Variants in SULF1 observed in about 807,000 individuals in gnomAD.
SULF1 encodes extracellular sulfatase Sulf-1.
In SULF1, 46 loss-of-function variants were observed where a neutral mutation model predicts 110.5. The observed-to-expected ratio is 0.42, with a 90% confidence interval of 0.33 to 0.53. The LOEUF is 0.53. SULF1 is among the 20% of genes least tolerant of loss of function. The pLI is 0.12. For missense variants in SULF1, 941 were observed against 1,094.2 expected (o/e 0.86, Z 1.98); for synonymous variants, 371 against 387.1 (o/e 0.96, Z 0.49).
intron 3 of SULF1, among the ~76,000 whole-genome samples, chr8:69,561,752 C>G (rs1158925746): frequency 6.6e-6 from 1 of 152,200 alleles, no homozygotes; most frequent in African/African-American, 2.4e-5. Context: ...GTTTTTGCTA[C>G]TTAAGGAACC....
chr8:69,555,033 C>T (rs1815013197), intron 3 of SULF1, among the ~76,000 whole-genome samples: 1 of 144,288 alleles, frequency 6.9e-6, no homozygotes, highest in African/African-American at 2.6e-5. Context: ...AACTGATCTG[C>T]ATTTTAAAGT....
At chr8:69,560,247 G>A (rs571699477) in intron 3 of SULF1, among the ~76,000 whole-genome samples, 42 of 152,122 alleles carry the variant, frequency 2.8e-4, no homozygotes, top group Non-Finnish European at 4.1e-4. Context: ...TAAACCTTTG[G>A]GAGCAACAGG....
intron 13 of SULF1, among the ~76,000 whole-genome samples, chr8:69,618,303 T>C (rs1280205956): frequency 1.3e-5 from 2 of 152,194 alleles, no homozygotes; most frequent in African/African-American, 4.8e-5. Flanking sequence ...CAACTGCAGA[T>C]TGAAAGAATT....
At chr8:69,484,949 C>G (rs1486188418) in intron 1 of SULF1, among the ~76,000 whole-genome samples, 5 of 152,064 alleles carry the variant, frequency 3.3e-5, no homozygotes, top group African/African-American at 1.2e-4. Flanking sequence ...AGCTACTGTC[C>G]TGCCTCAGCC....
chr8:69,607,815 C>T (rs969482940), intron 13 of SULF1, among the ~76,000 whole-genome samples: 2 of 152,134 alleles, frequency 1.3e-5, no homozygotes, highest in East Asian at 1.9e-4. Flanking sequence ...TGTTCAGGTT[C>T]GAGGTGGCAG....
intron 4 of SULF1, 144 bp downstream of exon 4, chr8:69,563,755 C>A: frequency 2.1e-6 from 1 of 484,022 alleles, no homozygotes; most frequent in Non-Finnish European, 3.7e-6. Flanking sequence ...AAAAAACTAC[C>A]CAGCACTTGT....
At chr8:69,608,726 G>T (rs1337368322) in intron 13 of SULF1, among the ~76,000 whole-genome samples, 1 of 152,092 alleles carries the variant, frequency 6.6e-6, no homozygotes, top group South Asian at 2.1e-4. Context: ...AAATGGGCTG[G>T]AATCCCAGAG....
chr8:69,573,718 C>T (rs922912552), intron 5 of SULF1, among the ~76,000 whole-genome samples: 11 of 152,170 alleles, frequency 7.2e-5, no homozygotes, highest in African/African-American at 1.7e-4. Flanking sequence ...TCTACATCTC[C>T]GTTCATCCAC....
intron 22 of SULF1, among the ~76,000 whole-genome samples, chr8:69,655,344 G>T (rs745773082): frequency 6.6e-6 from 1 of 152,168 alleles, no homozygotes; most frequent in Non-Finnish European, 1.5e-5. Context: ...AGCCCCAGTG[G>T]CTACCACAAG....
intron 19 of SULF1, among the ~76,000 whole-genome samples, chr8:69,631,712 A>G (rs534262239): frequency 2.0e-5 from 3 of 152,334 alleles, no homozygotes; most frequent in Non-Finnish European, 4.4e-5. Context: ...CCCTCTCGCC[A>G]TGGGGCCTTT....
intron 4 of SULF1, 150 bp downstream of exon 4, chr8:69,563,761 C>T: frequency 3.9e-6 from 2 of 508,932 alleles, no homozygotes; most frequent in Non-Finnish European, 7.0e-6. Flanking sequence ...CTACCCAGCA[C>T]TTGTGAGGGT....
chr8:69,479,591 G>T (rs1809433764), intron 1 of SULF1, among the ~76,000 whole-genome samples: 1 of 152,156 alleles, frequency 6.6e-6, no homozygotes. Flanking sequence ...AGAATTTGCA[G>T]TGGATTTTCC....
At chr8:69,603,113 A>C in intron 10 of SULF1, 79 bp from the exon 11 acceptor site, 2 of 1,586,710 alleles carry the variant, frequency 1.3e-6, no homozygotes, top group Non-Finnish European at 1.7e-6. Flanking sequence ...CCAATGAGTC[A>C]CTGCTGTAGA....
At chr8:69,491,469 G>C (rs1809938857), upstream of SULF1, among the ~76,000 whole-genome samples, 1 of 152,208 alleles carries the variant, frequency 6.6e-6, no homozygotes, top group Admixed American at 6.5e-5. Context: ...TGCACTTACA[G>C]GTCCTCTAAT....
chr8:69,621,175 T>C lies in SULF1; in HGVS notation c.1518T>C (p.Cys506=), dbSNP rs534855129. The part of the protein sequence containing the change: ...GFHDKDKECS[C]RESGYRASRS... Reference sequence around the variant, plus strand: ...ATGACAAAGACAAAGAGTGCAGTTGTAGGGAGTCTGGTTACCGTGCCAGCA... The same window carrying C: ...ATGACAAAGACAAAGAGTGCAGTTGCAGGGAGTCTGGTTACCGTGCCAGCA... Residue 506 remains cysteine (C), a synonymous_variant, in exon 14 of 23, where the codon TGT becomes TGC. Transcript: ENST00000402687. The C allele has an allele frequency of 3.9e-5, 63 of 1,614,042 alleles. No individual in the cohort carries two copies. The highest frequency in any genetic ancestry group is 5.2e-5 in the Non-Finnish European group (61 of 1,180,010).
At chr8:69,577,082 G>A (rs958422414) in intron 6 of SULF1, among the ~76,000 whole-genome samples, 1 of 152,212 alleles carries the variant, frequency 6.6e-6, no homozygotes, top group Non-Finnish European at 1.5e-5. Flanking sequence ...GTTATTTATG[G>A]ATGAAAATAT....
chr8:69,517,686 G>A (rs929995102), intron 3 of SULF1, among the ~76,000 whole-genome samples: 1 of 152,122 alleles, frequency 6.6e-6, no homozygotes, highest in African/African-American at 2.4e-5. Flanking sequence ...TTAATTTTAA[G>A]ATATGAATAG....
In SULF1 at chr8:69,627,771, G is replaced by A; in HGVS notation, c.1948-1G>A. Reference sequence around the variant, plus strand: ...TAAGTGCTTGAAAACATGTTTTCCAGATTGAAGCTCTGCAAGATAAAATTA... The same window carrying A: ...TAAGTGCTTGAAAACATGTTTTCCAAATTGAAGCTCTGCAAGATAAAATTA... On this transcript the variant is annotated splice_acceptor_variant, in intron 16 of 22. Coordinates refer to ENST00000402687, the MANE Select transcript of SULF1 (RefSeq NM_001128205.2). LOFTEE classifies it high-confidence loss of function. 1 of 1,600,834 alleles carries A rather than the reference G, an allele frequency of 6.2e-7. No individual in the cohort carries two copies. Among genetic ancestry groups the A allele is most frequent in the Non-Finnish European group, 8.5e-7 (1 of 1,171,756 alleles).
chr8:69,554,990 AAAAAAAAAC>A lies in SULF1; in HGVS notation c.-133-8540_-133-8532del, dbSNP rs1489254654. Among the ~76,000 whole-genome samples the A allele has an allele frequency of 1.4e-3, 125 of 87,758 alleles. 6 individuals carry two copies. Among genetic ancestry groups the A allele is most frequent in the South Asian group, 2.5e-3 (7 of 2,768 alleles). 57.6% of individuals were successfully genotyped at this position (87,758 alleles called of 152,430 possible). The stretch of plus-strand genomic sequence containing the variant: ...CGAGATTCCATCTCAAAAAAAAAAA[AAAAAAAAAC>A]AAAAAAAAAAAACTTCATACATAAA... On this transcript the variant is annotated intron_variant, in intron 3 of 22. Coordinates refer to ENST00000402687, the MANE Select transcript of SULF1 (RefSeq NM_001128205.2).
Sources: allele counts gnomAD v4.1 joint callset (sites outside exome capture counted in the v4.1 genomes callset), GRCh38; gene constraint gnomAD v4.1.1; transcripts MANE v1.5; gene names NCBI Gene and HGNC (gene_info 2026-07-23, HGNC 2026-07-21).